DIS3L2: variants seen among roughly 807,000 people sequenced by gnomAD.
DIS3L2 encodes the protein DIS3 like 3'-5' exoribonuclease 2.
Under a neutral mutation model 97.5 loss-of-function variants are expected in DIS3L2, and 34 were observed. The ratio of observed to expected loss-of-function variants is 0.35; its 90% CI spans 0.27 to 0.46. DIS3L2 has a LOEUF of 0.46. Among genes scored for constraint, DIS3L2 ranks in the 20% least tolerant of loss-of-function variants. DIS3L2 has a pLI of 1.00. For synonymous variants in DIS3L2, 435 were observed against 445.2 expected (o/e 0.98, Z 0.29); for missense variants, 1,038 against 1,146.0 (o/e 0.91, Z 1.36).
At chr2:232,088,687 AT>A (rs1291405883) in intron 6 of DIS3L2, among the ~76,000 whole-genome samples, 4 of 152,072 alleles carry the variant, frequency 2.6e-5, no homozygotes, top group Admixed American at 2.0e-4. Context: ...GTTTTCTCTG[AT>A]TGAAATCTAA....
At chr2:232,092,791 T>G (rs1696883859) in intron 6 of DIS3L2, among the ~76,000 whole-genome samples, 1 of 152,196 alleles carries the variant, frequency 6.6e-6, no homozygotes, top group Admixed American at 6.5e-5. Context: ...AGTTTTTTGG[T>G]GAAGTCTTTA....
At chr2:232,137,400 A>C (rs1045752958) in intron 8 of DIS3L2, among the ~76,000 whole-genome samples, 11 of 152,214 alleles carry the variant, frequency 7.2e-5, no homozygotes, top group Admixed American at 6.5e-5. Flanking sequence ...GAAAAGCAGT[A>C]AGTTTTAGCT....
chr2:231,996,792 T>G (rs898032780), intron 1 of DIS3L2, among the ~76,000 whole-genome samples: 5 of 152,218 alleles, frequency 3.3e-5, no homozygotes, highest in African/African-American at 1.2e-4. Context: ...CTGTGGAGGC[T>G]TTCTATTTTA....
At chr2:232,086,300 T>C (rs1036808816) in intron 5 of DIS3L2, among the ~76,000 whole-genome samples, 1 of 149,580 alleles carries the variant, frequency 6.7e-6, no homozygotes. Context: ...TGTATACATA[T>C]ATACATATGT....
chr2:232,341,175 G>A (rs937396546), downstream of DIS3L2, among the ~76,000 whole-genome samples: 1 of 152,186 alleles, frequency 6.6e-6, no homozygotes, highest in African/African-American at 2.4e-5. Flanking sequence ...AGTAATGAGG[G>A]CAGAAGCCAC....
Position 232,244,399 on chromosome 2 carries a change from C to T in DIS3L2, c.1318-4840C>T, listed in dbSNP as rs570929659. Reference sequence around the variant, plus strand: ...CTTGCTTATTTAACTTGGGACAGAGCGCTGCTCTTAACAGAGGTAGGAAAT... The same window carrying T: ...CTTGCTTATTTAACTTGGGACAGAGTGCTGCTCTTAACAGAGGTAGGAAAT... On this transcript the variant is annotated intron_variant, in intron 11 of 20. Coordinates refer to ENST00000325385, the MANE Select transcript of DIS3L2 (RefSeq NM_152383.5). Among the ~76,000 whole-genome samples the T allele has an allele frequency of 3.9e-5, 6 of 152,214 alleles. No individual in the cohort carries two copies. In the East Asian group the frequency reaches 5.8e-4, roughly 15 times the overall value.
rs776460855 is a variant in DIS3L2, at chr2:232,336,490, G to A, written c.2518G>A (p.Val840Met). 1.2e-6 allele frequency: 2 copies of A among 1,611,462 alleles called. No individual in the cohort carries two copies. Among genetic ancestry groups the A allele is most frequent in the Non-Finnish European group, 1.7e-6 (2 of 1,179,650 alleles). Residue 840 changes from valine to methionine, a missense_variant, in exon 21 of 21, where the codon GTG becomes ATG. Val to Met is a conservative substitution (Grantham distance 21). Transcript: ENST00000325385. ...ACAGGTCATCACCATCTTCAGCCTGGTGGAGGTGGTCCTGCAGGCAGAGTC... is the reference window on the plus strand; with the variant it reads ...ACAGGTCATCACCATCTTCAGCCTGATGGAGGTGGTCCTGCAGGCAGAGTC... The part of the protein sequence containing the change: ...AQQVITIFSL[V>M]EVVLQAESTA...
At chr2:232,263,507 G>A (rs2106281516) in intron 13 of DIS3L2, 67 bp downstream of exon 13, 6 of 1,478,210 alleles carry the variant, frequency 4.1e-6, no homozygotes, top group Admixed American at 1.8e-5. Flanking sequence ...GTGGATGAGC[G>A]CAGCTTGGCA....
intron 8 of DIS3L2, 36 bp from the exon 9 acceptor site, chr2:232,163,423 G>A (rs1359337187): frequency 1.3e-6 from 2 of 1,596,332 alleles, no homozygotes; most frequent in South Asian, 2.3e-5. Context: ...CCATTTGTTT[G>A]CTAACCCAGT....
chr2:232,117,166 T>C (rs1177378097), intron 6 of DIS3L2, among the ~76,000 whole-genome samples: 1 of 152,150 alleles, frequency 6.6e-6, no homozygotes, highest in Non-Finnish European at 1.5e-5. Flanking sequence ...ATGAATATGC[T>C]CTCTGGGCCG....
intron 10 of DIS3L2, among the ~76,000 whole-genome samples, chr2:232,218,848 C>T (rs1434730611): frequency 6.6e-6 from 1 of 152,198 alleles, no homozygotes; most frequent in Admixed American, 6.5e-5. Context: ...TGTTTGAAAA[C>T]CTGCTTGTAC....
intron 10 of DIS3L2, among the ~76,000 whole-genome samples, chr2:232,216,321 C>A (rs1318641040): frequency 6.6e-6 from 1 of 152,208 alleles, no homozygotes; most frequent in Non-Finnish European, 1.5e-5. Flanking sequence ...ACTCAAAGGA[C>A]CCTGCCTGCT....
downstream of DIS3L2, among the ~76,000 whole-genome samples, chr2:232,340,469 T>A (rs559236485): frequency 1.1e-4 from 16 of 152,246 alleles, no homozygotes; most frequent in Admixed American, 1.0e-3. Context: ...TCCCGACCTC[T>A]TACTGGTCGG....
intron 1 of DIS3L2, among the ~76,000 whole-genome samples, chr2:231,989,340 TGTG>T (rs1693516644): frequency 4.5e-4 from 3 of 6,670 alleles, no homozygotes; most frequent in East Asian, 0.031. Flanking sequence ...TCAGTATAAT[TGTG>T]TGTGTGTGTG....
At chr2:232,007,908 T>C (rs1694095979) in intron 1 of DIS3L2, among the ~76,000 whole-genome samples, 1 of 152,232 alleles carries the variant, frequency 6.6e-6, no homozygotes, top group South Asian at 2.1e-4. Flanking sequence ...ATTTTTTTCT[T>C]TTGATGTTTG....
At chr2:232,329,785 T>TGCCCGGGGGGGCCCCCCCCC in intron 14 of DIS3L2, 28 bp from the exon 15 acceptor site, 3 of 967,138 alleles carry the variant, frequency 3.1e-6, no homozygotes, top group Non-Finnish European at 4.4e-6. Flanking sequence ...ACCCCAGCGG[T>TGCCCGGGGGGGCCCCCCCCC]CCCTCCCATC....
intron 1 of DIS3L2, among the ~76,000 whole-genome samples, chr2:231,969,885 T>G (rs1245550401): frequency 6.6e-6 from 1 of 152,082 alleles, no homozygotes; most frequent in African/African-American, 2.4e-5. Context: ...AGATTTTTTT[T>G]TTTTTCGAGA....
At chr2:231,992,745 T>A (rs1312147629) in intron 1 of DIS3L2, among the ~76,000 whole-genome samples, 1 of 152,218 alleles carries the variant, frequency 6.6e-6, no homozygotes, top group Admixed American at 6.5e-5. Context: ...CTCTGTCTTC[T>A]CGAAATCTTG....
At chr2:232,212,274 G>A (rs923248516) in intron 10 of DIS3L2, among the ~76,000 whole-genome samples, 2 of 152,242 alleles carry the variant, frequency 1.3e-5, no homozygotes, top group Admixed American at 6.5e-5. Context: ...CCAGGTGACC[G>A]TGGACCTCAT....
Sources: gnomAD v4.1 joint callset for allele counts (sites outside exome capture counted in the v4.1 genomes callset) on GRCh38, gnomAD v4.1.1 for gene constraint, MANE v1.5 for transcripts, NCBI Gene and HGNC (gene_info 2026-07-23, HGNC 2026-07-21) for gene names.